Variants in STPG2 observed in about 807,000 individuals in gnomAD.
STPG2 encodes sperm tail PG-rich repeat containing 2.
Under a neutral mutation model 54.2 loss-of-function variants are expected in STPG2, and 56 were observed. That is an observed-to-expected ratio of 1.03 (90% CI 0.83 to 1.29). The LOEUF (loss-of-function observed/expected upper bound fraction) is 1.29, where lower values mean the gene tolerates loss of function less well. Ranked by LOEUF, STPG2 falls within the 50% of genes most tolerant of loss-of-function variation. STPG2 has a pLI of 0.00. For missense variants in STPG2, 596 were observed against 544.9 expected, an observed-to-expected ratio of 1.09 and a Z score of -0.93; for synonymous variants, 200 against 181.8, an observed-to-expected ratio of 1.10 and a Z score of -0.81.
intron 4 of STPG2, among the ~76,000 whole-genome samples, chr4:97,479,587 G>T (rs184925541): frequency 1.4e-4 from 21 of 151,920 alleles, no homozygotes; most frequent in Admixed American, 3.3e-4. Flanking sequence ...GAATTGATTA[G>T]CATCTAGATT....
At chr4:97,829,108 C>T (rs1234362916) in intron 9 of STPG2, among the ~76,000 whole-genome samples, 3 of 152,124 alleles carry the variant, frequency 2.0e-5, no homozygotes, top group East Asian at 1.9e-4. Context: ...TCGACAGACA[C>T]CTCATACAGG....
chr4:97,570,578 C>T (rs1473492468), intron 10 of STPG2, among the ~76,000 whole-genome samples: 2 of 151,198 alleles, frequency 1.3e-5, no homozygotes, highest in South Asian at 2.1e-4. Context: ...TTTTTTCCTG[C>T]CCCCACTCCC....
intron 4 of STPG2, among the ~76,000 whole-genome samples, chr4:97,528,473 G>T (rs796226212): frequency 3.3e-5 from 5 of 152,178 alleles, no homozygotes; most frequent in African/African-American, 1.2e-4. Context: ...GGATTGTCTT[G>T]GCTATAAGGG....
chr4:98,122,739 TA>T (rs1325010979), intron 3 of STPG2, among the ~76,000 whole-genome samples: 1 of 152,106 alleles, frequency 6.6e-6, no homozygotes, highest in Non-Finnish European at 1.5e-5. Context: ...TTTTTTGGAA[TA>T]GTTTCAGAAG....
At chr4:97,509,185 C>G (rs796668551) in intron 4 of STPG2, among the ~76,000 whole-genome samples, 1 of 152,118 alleles carries the variant, frequency 6.6e-6, no homozygotes, top group East Asian at 1.9e-4. Context: ...TGTCTTTGCA[C>G]TCCTGACAGT....
rs199745039 is a variant in STPG2, at chr4:97,531,896, G to C, written c.462+180803C>G. On this transcript the variant is annotated intron_variant, in intron 4 of 4. Transcript: ENST00000522676. Reference sequence around the variant, plus strand: ...TTGGATTATTTGTAACAGAAGGATAGATGCTTGAGGTGATGGATACCCCAT... The same window carrying C: ...TTGGATTATTTGTAACAGAAGGATACATGCTTGAGGTGATGGATACCCCAT... Among the ~76,000 whole-genome samples the C allele has an allele frequency of 6.6e-5, 10 of 152,282 alleles. No homozygotes were observed. The East Asian group carries it at 1.9e-3, about 29-fold the overall frequency.
chr4:97,721,389 G>T (rs1387838464), intron 9 of STPG2, among the ~76,000 whole-genome samples: 4 of 151,944 alleles, frequency 2.6e-5, no homozygotes, highest in Non-Finnish European at 1.5e-5. Flanking sequence ...AGAGGAAGTT[G>T]GTTATTCACT....
At position 97,935,211 on chromosome 4, in the gene STPG2, C is replaced by A. The variant is rs112752805; in HGVS notation, c.1044+8686G>T. ...GGTTCAATGGTGATATCCTTTTTATCACTTTTTATTGTGTCCACTTGATTC... is the reference window on the plus strand; with the variant it reads ...GGTTCAATGGTGATATCCTTTTTATAACTTTTTATTGTGTCCACTTGATTC... On this transcript the variant is annotated intron_variant, in intron 8 of 10. Coordinates refer to ENST00000295268, the MANE Select transcript of STPG2 (RefSeq NM_174952.3). Among the ~76,000 whole-genome samples the A allele has an allele frequency of 2.7e-3, 408 of 152,156 alleles. 2 individuals are homozygous for A. The highest frequency in any genetic ancestry group is 4.5e-3 in the Non-Finnish European group (303 of 67,988).
intron 8 of STPG2, among the ~76,000 whole-genome samples, chr4:97,858,708 G>T (rs1280102021): frequency 6.6e-6 from 1 of 152,076 alleles, no homozygotes; most frequent in Non-Finnish European, 1.5e-5. Context: ...CTCCATCCAG[G>T]TTGCTGTGAA....
intron 3 of STPG2, among the ~76,000 whole-genome samples, chr4:98,113,918 G>T (rs1352266905): frequency 6.6e-6 from 1 of 151,970 alleles, no homozygotes; most frequent in Admixed American, 6.6e-5. Flanking sequence ...GTGTAGGGGG[G>T]CAGAGACAAA....
intron 4 of STPG2, among the ~76,000 whole-genome samples, chr4:97,468,355 C>T (rs1164332588): frequency 2.6e-5 from 4 of 151,966 alleles, no homozygotes; most frequent in African/African-American, 2.4e-5. Context: ...AAAATAAGCA[C>T]ATTCTTTTCT....
At chr4:98,121,726 T>TG (rs1553943994) in intron 3 of STPG2, among the ~76,000 whole-genome samples, 7 of 143,700 alleles carry the variant, frequency 4.9e-5, no homozygotes, top group East Asian at 2.0e-4. Flanking sequence ...TGTGATTTTT[T>TG]TTGTGTGTGT....
intron 9 of STPG2, among the ~76,000 whole-genome samples, chr4:97,726,778 G>C (rs1398241957): frequency 6.6e-6 from 1 of 151,198 alleles, no homozygotes; most frequent in African/African-American, 2.4e-5. Flanking sequence ...TTGGTACTAT[G>C]TGCATATATC....
At chr4:97,547,660 T>C (rs1249679997) in intron 4 of STPG2, among the ~76,000 whole-genome samples, 2 of 152,164 alleles carry the variant, frequency 1.3e-5, no homozygotes, top group African/African-American at 2.4e-5. Flanking sequence ...TAGGTGATTA[T>C]GGGTAAGGTG....
At chr4:97,487,608 A>C (rs1198572681) in intron 4 of STPG2, among the ~76,000 whole-genome samples, 1 of 151,342 alleles carries the variant, frequency 6.6e-6, no homozygotes, top group African/African-American at 2.4e-5. Flanking sequence ...AAATCAGAAT[A>C]TTTTTCTTTC....
chr4:97,500,593 T>C (rs1465556874), intron 4 of STPG2, among the ~76,000 whole-genome samples: 1 of 152,048 alleles, frequency 6.6e-6, no homozygotes, highest in East Asian at 1.9e-4. Context: ...ATTACAGCTT[T>C]AATAAGTTAA....
At chr4:97,942,246 T>G (rs1733015654) in intron 8 of STPG2, among the ~76,000 whole-genome samples, 1 of 151,732 alleles carries the variant, frequency 6.6e-6, no homozygotes, top group African/African-American at 2.4e-5. Context: ...CCTGTGATAT[T>G]ATGATAGAAA....
chr4:97,486,638 C>T (rs1178583770), intron 4 of STPG2, among the ~76,000 whole-genome samples: 1 of 151,616 alleles, frequency 6.6e-6, no homozygotes, highest in Non-Finnish European at 1.5e-5. Context: ...AGTAGAACTA[C>T]CATTTGATCC....
chr4:97,862,770 T>C (rs761410613), intron 8 of STPG2, among the ~76,000 whole-genome samples: 70 of 151,954 alleles, frequency 4.6e-4, no homozygotes, highest in Admixed American at 1.1e-3. Context: ...TGCAATCAAA[T>C]TAGAACTCAG....
Sources: allele counts gnomAD v4.1 joint callset (sites outside exome capture counted in the v4.1 genomes callset), GRCh38; gene constraint gnomAD v4.1.1; transcripts MANE v1.5; gene names NCBI Gene and HGNC (gene_info 2026-07-23, HGNC 2026-07-21).